CTSC: variants seen among roughly 807,000 people sequenced by gnomAD.
CTSC encodes dipeptidyl peptidase 1.
CTSC carries 37 observed loss-of-function variants against 40.9 expected under a neutral mutation model. That is an observed-to-expected ratio of 0.91 (90% CI 0.70 to 1.19). The LOEUF is 1.19. CTSC is among the 50% of genes most tolerant of loss of function. CTSC has a pLI of 0.00. For missense variants in CTSC, 594 were observed against 567.3 expected (o/e 1.05, Z -0.48); for synonymous variants, 232 against 207.4 (o/e 1.12, Z -1.02).
intron 2 of CTSC, among the ~76,000 whole-genome samples, chr11:88,316,139 T>C (rs1324700931): frequency 1.3e-5 from 2 of 152,216 alleles, no homozygotes; most frequent in Non-Finnish European, 2.9e-5. Context: ...CAGGTACCTA[T>C]GTTGCCTTGG....
chr11:88,309,318 C>A lies in CTSC; in HGVS notation c.486G>T (p.Lys162Asn), dbSNP rs754111140. 1.9e-6 allele frequency: 3 copies of A among 1,612,048 alleles called. No individual in the cohort carries two copies. Among genetic ancestry groups the A allele is most frequent in the South Asian group, 2.2e-5 (2 of 91,044 alleles). Residue 162 changes from lysine (K) to asparagine (N), a missense_variant and splice_region_variant, in exon 4 of 7, where the codon AAG becomes AAT. Lys to Asn is a moderately conservative substitution (Grantham distance 94). Coordinates refer to ENST00000227266, the MANE Select transcript of CTSC (RefSeq NM_001814.6). Reference sequence around the variant, plus strand: ...CATACTTGTAGAGCCTATTAGAATACCTGTCCCCAAAAATGAGATAATTTC... The same window carrying A: ...CATACTTGTAGAGCCTATTAGAATAACTGTCCCCAAAAATGAGATAATTTC... ...NIAHLKNSQE[K>N]YSNRLYKYDH...
intron 2 of CTSC, chr11:88,321,894 GTTC>G (rs964228986): frequency 2.4e-4 from 37 of 152,196 alleles, no homozygotes; most frequent in African/African-American, 6.5e-4. Flanking sequence ...GTGTAAAAGC[GTTC>G]TTATTTCTCT....
At chr11:88,302,708 T>C (rs1944381550) in intron 4 of CTSC, among the ~76,000 whole-genome samples, 1 of 151,138 alleles carries the variant, frequency 6.6e-6, no homozygotes. Context: ...CAACGATTTC[T>C]TCAAAAATAG....
rs1549822 is a variant in CTSC at position 88,330,637 on chromosome 11, C to A, written c.318+4300G>T. The stretch of plus-strand genomic sequence containing the variant: ...TGCTGGGATTACAGGTATGAGTCAC[C>A]GTGCCTGGCTGAAAAAAATATTTTA... On this transcript the variant is annotated intron_variant, in intron 2 of 6. Transcript: ENST00000227266. Among the ~76,000 whole-genome samples, 1,200 of 152,158 alleles carry A rather than the reference C, an allele frequency of 7.9e-3. 20 individuals carry two copies. The highest frequency in any genetic ancestry group is 0.027 in the African/African-American group (1,133 of 41,510).
chr11:88,300,891 G>A (rs1009884142), intron 4 of CTSC, among the ~76,000 whole-genome samples: 1 of 151,974 alleles, frequency 6.6e-6, no homozygotes, highest in Non-Finnish European at 1.5e-5. Flanking sequence ...AATGACACTG[G>A]TTTTGTATAT....
chr11:88,334,215 C>T (rs1037979530), intron 2 of CTSC, among the ~76,000 whole-genome samples: 1 of 152,126 alleles, frequency 6.6e-6, no homozygotes, highest in African/African-American at 2.4e-5. Context: ...TTTACTTGAA[C>T]CATTTAATAT....
At chr11:88,297,782 G>C (rs1183928195) in intron 5 of CTSC, 2 of 152,176 alleles carry the variant, frequency 1.3e-5, no homozygotes, top group African/African-American at 4.8e-5. Flanking sequence ...CAACAGCCAA[G>C]GCCAATCTGA....
intron 4 of CTSC, among the ~76,000 whole-genome samples, chr11:88,300,955 G>T (rs1342325889): frequency 6.6e-6 from 1 of 152,032 alleles, no homozygotes; most frequent in Non-Finnish European, 1.5e-5. Flanking sequence ...ACTCATTTTT[G>T]AAAGATTTTT....
intron 6 of CTSC, among the ~76,000 whole-genome samples, chr11:88,294,918 T>C: frequency 6.6e-6 from 1 of 152,246 alleles, no homozygotes; most frequent in East Asian, 1.9e-4. Context: ...ATTATGGTCA[T>C]TGCTAAGCAG....
intron 1 of CTSC, among the ~76,000 whole-genome samples, chr11:88,336,959 T>C (rs895960882): frequency 1.3e-5 from 2 of 152,172 alleles, no homozygotes; most frequent in African/African-American, 4.8e-5. Flanking sequence ...TTTTACCTCC[T>C]TGCAATGCAT....
rs577639010 is a variant in CTSC, at chr11:88,330,117, G to A, written c.318+4820C>T. 8.5e-5 allele frequency among the ~76,000 whole-genome samples: 13 copies of A among 152,340 alleles called. 1 individual carries two copies. The highest frequency in any genetic ancestry group is 3.1e-4 in the African/African-American group (13 of 41,588). On this transcript the variant is annotated intron_variant, in intron 2 of 6. Coordinates refer to ENST00000227266, the MANE Select transcript of CTSC (RefSeq NM_001814.6). ...ATCTGATAATCTTAGAAACTGGCCT[G>A]TAGATAGTATTGTCTTTTGTTTTGG...
chr11:88,326,096 T>A, intron 2 of CTSC: 1 of 1,271,638 alleles, frequency 7.9e-7, no homozygotes, highest in South Asian at 2.7e-5. Context: ...TGTTGTATAT[T>A]GTTCCTTTTA....
chr11:88,296,913 T>C (rs1423313403), intron 5 of CTSC: 1 of 156,828 alleles, frequency 6.4e-6, no homozygotes, highest in Non-Finnish European at 1.4e-5. Context: ...AAATCTCAGA[T>C]TGACCATATT....
At chr11:88,294,659 A>C (rs1435459902) in intron 6 of CTSC, 151 bp from the exon 7 acceptor site, 2 of 827,004 alleles carry the variant, frequency 2.4e-6, no homozygotes, top group Non-Finnish European at 3.9e-6. Context: ...TCCATTTTCC[A>C]ACTAGCTAAC....
chr11:88,324,326 T>A (rs187277827), intron 2 of CTSC: 61 of 945,202 alleles, frequency 6.5e-5, no homozygotes, highest in Non-Finnish European at 7.6e-5. Context: ...AGGAATGCCA[T>A]TGAATATATT....
rs1458186673 is a variant in CTSC, at chr11:88,324,758, G to C, written c.318+10179C>G. On this transcript the variant is annotated intron_variant, in intron 2 of 6. Transcript: ENST00000227266. ...AGTTCTGATGTTTCTCACGGTAATA[G>C]AGAGAGCTGGGGAGGGTTTCAGAGA... 1.0e-5 allele frequency: 10 copies of C among 985,038 alleles called. 1 individual carries two copies. Among genetic ancestry groups the C allele is most frequent in the Non-Finnish European group, 1.1e-5 (9 of 829,710 alleles). The allele number at this position is 985,038 out of a possible 1,614,324, so 61.0% of individuals were successfully genotyped here.
intron 2 of CTSC, among the ~76,000 whole-genome samples, chr11:88,329,728 G>A (rs1037167222): frequency 2.0e-5 from 3 of 152,132 alleles, no homozygotes; most frequent in South Asian, 2.1e-4. Context: ...GTGTGTGTGT[G>A]TGTTTTGTTT....
In CTSC at chr11:88,312,494, GCACC is replaced by G; in HGVS notation, c.375_378del (p.Trp125CysfsTer28). On this transcript the variant is annotated frameshift_variant, in exon 3 of 7. Coordinates refer to ENST00000227266, the MANE Select transcript of CTSC (RefSeq NM_001814.6). LOFTEE classifies it high-confidence loss of function. ...GCCCAGTTCCGGCCCAACACATCAT[GCACC>G]CACCCAGTCATTGTCTCGTTGCAGT... 1.2e-6 allele frequency: 2 copies of G among 1,614,110 alleles called. No homozygotes were observed. Among genetic ancestry groups the G allele is most frequent in the Non-Finnish European group, 1.7e-6 (2 of 1,180,024 alleles).
At chr11:88,328,099 C>T in intron 2 of CTSC, 2 of 1,596,718 alleles carry the variant, frequency 1.3e-6, no homozygotes, top group Non-Finnish European at 1.7e-6. Flanking sequence ...AGAAATTTTT[C>T]AATGGAGCTC....
Sources: gnomAD v4.1 joint callset for allele counts (sites outside exome capture counted in the v4.1 genomes callset) on GRCh38, gnomAD v4.1.1 for gene constraint, MANE v1.5 for transcripts, NCBI Gene and HGNC (gene_info 2026-07-23, HGNC 2026-07-21) for gene names.